BLVRB: variants seen among roughly 807,000 people sequenced by gnomAD.
The protein encoded by BLVRB is flavin reductase (NADPH).
In BLVRB, 25 loss-of-function variants were observed where a neutral mutation model predicts 21.1. The observed-to-expected ratio is 1.19, with a 90% confidence interval of 0.86 to 1.66. The LOEUF (loss-of-function observed/expected upper bound fraction) is 1.66. Ranked by LOEUF, BLVRB falls within the 40% of genes most tolerant of loss-of-function variation. The pLI, the probability that BLVRB is intolerant of heterozygous loss-of-function variation, is 0.00. For synonymous variants in BLVRB, 128 were observed against 122.2 expected (o/e 1.05, Z -0.31); for missense variants, 274 against 282.7 (o/e 0.97, Z 0.22).
At chr19:40,456,119 G>A (rs2079761177) in intron 3 of BLVRB, among the ~76,000 whole-genome samples, 1 of 151,876 alleles carries the variant, frequency 6.6e-6, no homozygotes, top group Admixed American at 6.6e-5. Context: ...AGTATATTGA[G>A]GACCTACACA....
intron 1 of BLVRB, among the ~76,000 whole-genome samples, chr19:40,461,532 C>T (rs2079787674): frequency 3.4e-5 from 5 of 148,954 alleles, no homozygotes; most frequent in Admixed American, 2.0e-4. Flanking sequence ...CGGAGTCTCG[C>T]TCTGTTGCCC....
chr19:40,455,436 G>A (rs1260790522), intron 3 of BLVRB, among the ~76,000 whole-genome samples: 3 of 152,112 alleles, frequency 2.0e-5, no homozygotes, highest in East Asian at 1.9e-4. Context: ...AAGTCTGGGC[G>A]CAGTGGCTCA....
rs1041913808 is a variant in BLVRB at position 40,447,787 on chromosome 19, G to A, written c.*102C>T. ...CAGAGAGAGGAAGAGTCACACAGTC[G>A]GTTTCTCTAGAGTAATTTGAAGCTC... On this transcript the variant is annotated 3_prime_UTR_variant, in exon 5 of 5. Transcript: ENST00000263368. 6.8e-6 allele frequency: 9 copies of A among 1,327,112 alleles called. No individual in the cohort carries two copies. The highest frequency in any genetic ancestry group is 1.5e-5 in the South Asian group (1 of 68,336). The allele number at this position is 1,327,112 out of a possible 1,614,324, so 82.2% of individuals were successfully genotyped here. A position where few individuals can be genotyped will look rare whatever the true frequency, so the allele number is the denominator to read the frequency against.
intron 1 of BLVRB, among the ~76,000 whole-genome samples, chr19:40,463,912 C>G (rs895533623): frequency 6.6e-6 from 1 of 151,880 alleles, no homozygotes; most frequent in Admixed American, 6.6e-5. Flanking sequence ...CGATTACAGG[C>G]ACCAGCCACC....
intron 1 of BLVRB, among the ~76,000 whole-genome samples, chr19:40,462,892 CAAAAAA>C (rs56923063): frequency 4.0e-5 from 2 of 49,866 alleles, no homozygotes; most frequent in Non-Finnish European, 3.4e-5. Flanking sequence ...ACTCTTGTCT[CAAAAAA>C]AAAAAAAAAA....
intron 4 of BLVRB, among the ~76,000 whole-genome samples, chr19:40,449,389 G>A (rs1170317561): frequency 6.6e-6 from 1 of 151,980 alleles, no homozygotes; most frequent in Non-Finnish European, 1.5e-5. Context: ...GGGATTACAG[G>A]TGTCCGCCAC....
intron 1 of BLVRB, among the ~76,000 whole-genome samples, chr19:40,460,589 ACT>A (rs2079782894): frequency 6.6e-6 from 1 of 151,102 alleles, no homozygotes; most frequent in Non-Finnish European, 1.5e-5. Flanking sequence ...ACAGAACAAG[ACT>A]CTGTCTCAAA....
In BLVRB at chr19:40,456,148, A is replaced by T. The variant is rs1343262257; in HGVS notation, c.334+2007T>A. On this transcript the variant is annotated intron_variant, in intron 3 of 4. Coordinates refer to ENST00000263368, the MANE Select transcript of BLVRB (RefSeq NM_000713.3). ...CTACACATTGAAGTAAGCAGCCATGATGTATGTAAGCTAACTTCAAATGGG... is the reference window on the plus strand; with the variant it reads ...CTACACATTGAAGTAAGCAGCCATGTTGTATGTAAGCTAACTTCAAATGGG... Among the ~76,000 whole-genome samples the T allele has an allele frequency of 2.6e-5, 4 of 152,212 alleles. No individual in the cohort carries two copies. In the East Asian group the frequency reaches 7.7e-4, roughly 29 times the overall value.
At chr19:40,462,433 A>C (rs1177156488) in intron 1 of BLVRB, among the ~76,000 whole-genome samples, 1 of 151,220 alleles carries the variant, frequency 6.6e-6, no homozygotes, top group Non-Finnish European at 1.5e-5. Flanking sequence ...TGTGCACCAC[A>C]ACACCCGGCG....
intron 1 of BLVRB, among the ~76,000 whole-genome samples, chr19:40,464,205 C>T (rs2079800628): frequency 6.6e-6 from 1 of 152,106 alleles, no homozygotes; most frequent in Non-Finnish European, 1.5e-5. Flanking sequence ...CCCACCTGAG[C>T]CTTCTGAGTA....
intron 3 of BLVRB, among the ~76,000 whole-genome samples, chr19:40,453,718 A>G (rs2079750406): frequency 6.6e-6 from 1 of 152,184 alleles, no homozygotes; most frequent in South Asian, 2.1e-4. Context: ...AAGGCTGGGC[A>G]GAGTGGCTCA....
Position 40,455,988 on chromosome 19 carries a change from A to AAAAT in BLVRB, c.334+2163_334+2166dup, listed in dbSNP as rs535015157. 2.0e-5 allele frequency among the ~76,000 whole-genome samples: 3 copies of AAAAT among 152,130 alleles called. No individual in the cohort carries two copies. In the South Asian group the frequency reaches 6.2e-4, roughly 32 times the overall value. On this transcript the variant is annotated intron_variant, in intron 3 of 4. Coordinates refer to ENST00000263368, the MANE Select transcript of BLVRB (RefSeq NM_000713.3). Reference sequence around the variant, plus strand: ...TTAGCCAGCCTTATAACCCGGTCTCAAAATAAATAAATAAATAGATAGATA... The same window carrying AAAAT: ...TTAGCCAGCCTTATAACCCGGTCTCAAAATAAATAAATAAATAAATAGATAGATA...
At chr19:40,449,003 A>G (rs1347197800) in intron 4 of BLVRB, among the ~76,000 whole-genome samples, 4 of 152,014 alleles carry the variant, frequency 2.6e-5, no homozygotes, top group African/African-American at 7.2e-5. Flanking sequence ...ACTTGAGCCC[A>G]GAAGGCGGAG....
intron 1 of BLVRB, among the ~76,000 whole-genome samples, chr19:40,463,526 TCTCCCTCCCTCCCTCC>T (rs1167341659): frequency 6.8e-6 from 1 of 146,366 alleles, no homozygotes; most frequent in Non-Finnish European, 1.5e-5. Flanking sequence ...CCAAGCCCCT[TCTCCCTCCCTCCCTCC>T]CTCCCTCCCT....
At chr19:40,461,174 A>G (rs894978583) in intron 1 of BLVRB, among the ~76,000 whole-genome samples, 1 of 151,946 alleles carries the variant, frequency 6.6e-6, no homozygotes, top group African/African-American at 2.4e-5. Flanking sequence ...TGAGCTACCG[A>G]GCGTGGCCTA....
chr19:40,448,706 T>C (rs1214308877), intron 4 of BLVRB, among the ~76,000 whole-genome samples: 1 of 150,154 alleles, frequency 6.7e-6, no homozygotes, highest in African/African-American at 2.4e-5. Context: ...GGATACAATG[T>C]ACCATCACCC....
At chr19:40,464,944 C>T (rs1479211961) in intron 1 of BLVRB, among the ~76,000 whole-genome samples, 1 of 152,104 alleles carries the variant, frequency 6.6e-6, no homozygotes, top group Admixed American at 6.6e-5. Flanking sequence ...CTTTTCTGCC[C>T]TCTCTCCTGG....
At chr19:40,457,319 C>T (rs2079766054) in intron 3 of BLVRB, among the ~76,000 whole-genome samples, 1 of 152,206 alleles carries the variant, frequency 6.6e-6, no homozygotes, top group Non-Finnish European at 1.5e-5. Context: ...GCTTTGTCCT[C>T]TGCCTGGAGT....
intron 1 of BLVRB, among the ~76,000 whole-genome samples, chr19:40,460,275 T>TATATATATATATAAATATA: frequency 7.4e-6 from 1 of 134,476 alleles, no homozygotes; most frequent in African/African-American, 2.9e-5. Context: ...TATATATATA[T>TATATATATATATAAATATA]TTAGAGACAG....
Sources: gnomAD v4.1 joint callset for allele counts (sites outside exome capture counted in the v4.1 genomes callset) on GRCh38, gnomAD v4.1.1 for gene constraint, MANE v1.5 for transcripts, NCBI Gene and HGNC (gene_info 2026-07-23, HGNC 2026-07-21) for gene names.